SPATA17: variants seen among roughly 807,000 people sequenced by gnomAD.
SPATA17 encodes the protein spermatogenesis associated 17, also known as spermatogenesis-associated protein 17.
Under a neutral mutation model 62.2 loss-of-function variants are expected in SPATA17, and 53 were observed. That is an observed-to-expected ratio of 0.85 (90% CI 0.68 to 1.07). The LOEUF is 1.07. Among genes scored for constraint, SPATA17 ranks in the 50% least tolerant of loss-of-function variants. The probability of loss-of-function intolerance (pLI) is 0.00; values close to 1 mark genes in which losing one functional copy is unlikely to be tolerated. For synonymous variants in SPATA17, 146 were observed against 146.8 expected (o/e 0.99, Z 0.04); for missense variants, 466 against 425.5 (o/e 1.10, Z -0.84).
intron 6 of SPATA17, among the ~76,000 whole-genome samples, chr1:217,770,876 A>G (rs183963836): frequency 2.0e-5 from 3 of 151,792 alleles, no homozygotes; most frequent in African/African-American, 7.2e-5. Flanking sequence ...TCGTTGCTCA[A>G]CCTGACATAA....
rs142992994 is a variant in SPATA17, at chr1:217,670,749, G to A, written c.291+1666G>A. On this transcript the variant is annotated intron_variant, in intron 4 of 10. Coordinates refer to ENST00000366933, the MANE Select transcript of SPATA17 (RefSeq NM_138796.4). ...GTGGATCACCTGACGTCAGGAGTTC[G>A]AGGCCAGCCTGGCCAACATGGTGAA... Among the ~76,000 whole-genome samples, 4 of 152,016 alleles carry A rather than the reference G, an allele frequency of 2.6e-5. No homozygotes were observed. In the East Asian group the frequency reaches 5.8e-4, roughly 22 times the overall value.
intron 6 of SPATA17, among the ~76,000 whole-genome samples, chr1:217,749,973 C>CTATATATA (rs1307343377): frequency 7.1e-4 from 31 of 43,702 alleles, no homozygotes; most frequent in Non-Finnish European, 1.1e-3. Flanking sequence ...CTCTCTCTCT[C>CTATATATA]TCTCTCTCTC....
At position 217,703,174 on chromosome 1, in the gene SPATA17, C is replaced by CTTTTTTTTTTTTT. The variant is rs1203063860; in HGVS notation, c.395+19815_395+19827dup. On this transcript the variant is annotated intron_variant, in intron 5 of 10. Transcript: ENST00000366933. ...ACAGGCGTGAGCCATTGCGCTCGGCCTTTTTTTTTTTTTTGAAATGGAGTC... is the reference window on the plus strand; with the variant it reads ...ACAGGCGTGAGCCATTGCGCTCGGCCTTTTTTTTTTTTTTTTTTTTTTTTTTTGAAATGGAGTC... Among the ~76,000 whole-genome samples the CTTTTTTTTTTTTT allele has an allele frequency of 6.8e-4, 72 of 105,482 alleles. 4 individuals carry two copies. Among genetic ancestry groups the CTTTTTTTTTTTTT allele is most frequent in the African/African-American group, 1.5e-3 (39 of 25,666 alleles). 69.2% of individuals were successfully genotyped at this position (105,482 alleles called of 152,430 possible).
chr1:217,721,289 C>G (rs1672121553), intron 5 of SPATA17, among the ~76,000 whole-genome samples: 2 of 152,056 alleles, frequency 1.3e-5, no homozygotes, highest in African/African-American at 4.8e-5. Context: ...CTAAGATGAC[C>G]TATGAATGTA....
intron 8 of SPATA17, among the ~76,000 whole-genome samples, chr1:217,798,252 C>A (rs1005424531): frequency 4.6e-5 from 7 of 152,094 alleles, no homozygotes; most frequent in Non-Finnish European, 7.4e-5. Flanking sequence ...ACTACTTGAA[C>A]GTATGATGTT....
rs551488038 is a variant in SPATA17 at position 217,725,249 on chromosome 1, G to A, written c.396-16726G>A. On this transcript the variant is annotated intron_variant, in intron 5 of 10. Coordinates refer to ENST00000366933, the MANE Select transcript of SPATA17 (RefSeq NM_138796.4). ...TAAGTGCCATCTTATCATATACTAA[G>A]TGCCCACATGTTCTCAAGTATATTT... is the stretch of plus-strand genomic sequence containing the variant. 3.3e-5 allele frequency among the ~76,000 whole-genome samples: 5 copies of A among 152,168 alleles called. 1 individual carries two copies. The highest frequency in any genetic ancestry group is 1.2e-4 in the African/African-American group (5 of 41,532).
chr1:217,749,061 G>A (rs1227061018), intron 6 of SPATA17, among the ~76,000 whole-genome samples: 2 of 152,098 alleles, frequency 1.3e-5, no homozygotes, highest in South Asian at 2.1e-4. Context: ...ACATTTGTGT[G>A]GGTATGTGTA....
intron 9 of SPATA17, among the ~76,000 whole-genome samples, chr1:217,816,782 A>T (rs546070415): frequency 3.2e-4 from 49 of 152,126 alleles, no homozygotes; most frequent in African/African-American, 1.2e-3. Context: ...TTCCTTTCTA[A>T]CCTTTTAAAA....
rs188379533 is a variant in SPATA17, at chr1:217,713,702, T to C, written c.396-28273T>C. Among the ~76,000 whole-genome samples the C allele has an allele frequency of 1.6e-3, 245 of 152,292 alleles. 1 individual carries two copies. The highest frequency in any genetic ancestry group is 5.7e-3 in the African/African-American group (237 of 41,570). ...TCGATGCTTGGATGCTGGCATTCTC[T>C]GTGTGTATGTGTTAAAGAAACAAAC... On this transcript the variant is annotated intron_variant, in intron 5 of 10. Transcript: ENST00000366933.
At chr1:217,730,109 C>T (rs904582026) in intron 5 of SPATA17, among the ~76,000 whole-genome samples, 3 of 152,078 alleles carry the variant, frequency 2.0e-5, no homozygotes, top group African/African-American at 7.2e-5. Flanking sequence ...AACATTACTG[C>T]ATATGCCAAG....
chr1:217,711,915 T>G (rs12136507), intron 5 of SPATA17, among the ~76,000 whole-genome samples: 1 of 151,972 alleles, frequency 6.6e-6, no homozygotes, highest in Non-Finnish European at 1.5e-5. Flanking sequence ...TACCCTACCA[T>G]TCTCAGTTAC....
At chr1:217,662,767 C>A (rs562260100) in intron 3 of SPATA17, among the ~76,000 whole-genome samples, 1 of 152,104 alleles carries the variant, frequency 6.6e-6, no homozygotes, top group African/African-American at 2.4e-5. Context: ...TTGTTGCTTT[C>A]ACAGATGTTT....
intron 3 of SPATA17, among the ~76,000 whole-genome samples, chr1:217,660,759 C>T (rs1020640484): frequency 1.3e-5 from 2 of 152,178 alleles, no homozygotes; most frequent in African/African-American, 4.8e-5. Flanking sequence ...TACAGGGAAC[C>T]TTAGCTCACA....
At chr1:217,688,759 G>T (rs1197875092) in intron 5 of SPATA17, among the ~76,000 whole-genome samples, 1 of 152,134 alleles carries the variant, frequency 6.6e-6, no homozygotes, top group Non-Finnish European at 1.5e-5. Context: ...CTCAAACAAA[G>T]CTACCTTATG....
chr1:217,827,192 A>G (rs1675018742), intron 9 of SPATA17, among the ~76,000 whole-genome samples: 1 of 152,106 alleles, frequency 6.6e-6, no homozygotes, highest in Non-Finnish European at 1.5e-5. Flanking sequence ...TTCATTTTCT[A>G]TATTAAAGTT....
chr1:217,834,546 T>G (rs1170600395), intron 9 of SPATA17, among the ~76,000 whole-genome samples: 1 of 152,086 alleles, frequency 6.6e-6, no homozygotes, highest in Admixed American at 6.6e-5. Context: ...TTAACAAAAA[T>G]TTTAAAAAGT....
chr1:217,681,998 G>C (rs947702537), intron 4 of SPATA17, among the ~76,000 whole-genome samples: 1 of 151,524 alleles, frequency 6.6e-6, no homozygotes, highest in South Asian at 2.1e-4. Flanking sequence ...AAATCGGGAA[G>C]ACTTCATATC....
At chr1:217,839,023 C>G (rs894359736) in intron 9 of SPATA17, among the ~76,000 whole-genome samples, 5 of 151,994 alleles carry the variant, frequency 3.3e-5, no homozygotes, top group African/African-American at 1.2e-4. Flanking sequence ...AGGTGTGACT[C>G]TTGGACCTAG....
At chr1:217,848,251 C>T (rs533677412) in intron 9 of SPATA17, among the ~76,000 whole-genome samples, 1 of 152,190 alleles carries the variant, frequency 6.6e-6, no homozygotes, top group Admixed American at 6.5e-5. Flanking sequence ...ATGTCCAGTC[C>T]TCCTTTTCAG....
Sources: allele counts gnomAD v4.1 joint callset (sites outside exome capture counted in the v4.1 genomes callset), GRCh38; gene constraint gnomAD v4.1.1; transcripts MANE v1.5; gene names NCBI Gene and HGNC (gene_info 2026-07-23, HGNC 2026-07-21).